Variants in NIN observed in about 807,000 individuals in gnomAD.
NIN encodes the protein ninein, also known as glycogen synthase kinase 3 beta-interacting protein.
NIN carries 137 observed loss-of-function variants against 257.6 expected under a neutral mutation model. The observed-to-expected ratio is 0.53, with a 90% CI of 0.46 to 0.61. NIN has a LOEUF of 0.61. Ranked by LOEUF, NIN falls within the 20% of genes least tolerant of loss-of-function variation. NIN has a pLI of 0.00. For missense variants in NIN, 2,439 were observed against 2,501.2 expected (o/e 0.98, Z 0.53); for synonymous variants, 918 against 919.8 (o/e 1.00, Z 0.04).
intron 26 of NIN, among the ~76,000 whole-genome samples, chr14:50,739,107 C>G (rs2041146496): frequency 6.6e-6 from 1 of 152,032 alleles, no homozygotes; most frequent in South Asian, 2.1e-4. Context: ...TAATATAAAA[C>G]TGCTTATAAA....
At chr14:50,789,211 C>A (rs2043473232) in intron 5 of NIN, among the ~76,000 whole-genome samples, 1 of 152,156 alleles carries the variant, frequency 6.6e-6, no homozygotes, top group Non-Finnish European at 1.5e-5. Context: ...TTCCCAACAT[C>A]CCCAAAGAGA....
rs184377765 is a variant in NIN at position 50,720,590 on chromosome 14, T to G, written c.*2873A>C. On this transcript the variant is annotated 3_prime_UTR_variant, in exon 31 of 31. Transcript: ENST00000530997. ...AATATGCCGAAGGCTAAATATGCAA[T>G]GCATTGAAATTTCTGGGAAGAATTC... 7.2e-4 allele frequency: 149 copies of G among 207,084 alleles called. No homozygotes were observed. Among genetic ancestry groups the G allele is most frequent in the Non-Finnish European group, 1.3e-3 (134 of 101,046 alleles). 12.8% of individuals were successfully genotyped at this position (207,084 alleles called of 1,614,324 possible).
At chr14:50,736,428 C>T (rs567233576) in intron 27 of NIN, among the ~76,000 whole-genome samples, 3 of 152,234 alleles carry the variant, frequency 2.0e-5, no homozygotes, top group South Asian at 4.1e-4. Flanking sequence ...TGAGCCACCG[C>T]GTCCAGCCTC....
At chr14:50,752,428 G>A in intron 21 of NIN, 90 bp downstream of exon 21, 3 of 961,318 alleles carry the variant, frequency 3.1e-6, no homozygotes, top group Non-Finnish European at 4.9e-6. Context: ...TAATTACTAA[G>A]GCTTTATGTT....
chr14:50,826,168 A>G (rs562123073), intron 2 of NIN, among the ~76,000 whole-genome samples: 1 of 152,360 alleles, frequency 6.6e-6, no homozygotes, highest in South Asian at 2.1e-4. Flanking sequence ...TTACTCAGAG[A>G]TTAAGAAAGT....
intron 5 of NIN, among the ~76,000 whole-genome samples, chr14:50,780,919 G>A (rs76709765): frequency 4.5e-4 from 68 of 152,240 alleles, no homozygotes; most frequent in African/African-American, 1.6e-3. Flanking sequence ...CAATCTAGTG[G>A]ATGTCTGAGG....
chr14:50,823,270 A>G (rs567286031), intron 2 of NIN: 1 of 576,094 alleles, frequency 1.7e-6, no homozygotes, highest in African/African-American at 1.9e-5. Context: ...GATGCCAAAC[A>G]CGACATACAC....
In NIN at chr14:50,770,949, AC is replaced by A; in HGVS notation, c.1161del (p.Ser388GlnfsTer12). On this transcript the variant is annotated frameshift_variant, in exon 11 of 31. Transcript: ENST00000530997. LOFTEE classifies it high-confidence loss of function. ...AGCTTCTCGGCCTTGTCCAGATCTG[AC>A]CGTAGCTTCTCTTTTTCTCTGACCA... is the stretch of plus-strand genomic sequence containing the variant. ...DQVVREKEKLRSDLDKAEKLK... is the reference protein window; with the variant it reads ...DQVVREKEKLXSDLDKAEKLK... The A allele has an allele frequency of 1.2e-6, 2 of 1,614,144 alleles. No individual in the cohort carries two copies. Among genetic ancestry groups the A allele is most frequent in the Non-Finnish European group, 1.7e-6 (2 of 1,180,006 alleles).
chr14:50,828,800 G>T (rs537130567), intron 2 of NIN, among the ~76,000 whole-genome samples: 16 of 152,262 alleles, frequency 1.1e-4, no homozygotes, highest in Admixed American at 2.0e-4. Context: ...CATTAAGATT[G>T]GCTGTTCAGA....
chr14:50,786,548 G>C (rs2043356252), intron 5 of NIN, among the ~76,000 whole-genome samples: 1 of 151,794 alleles, frequency 6.6e-6, no homozygotes, highest in Non-Finnish European at 1.5e-5. Flanking sequence ...ATCTACAATT[G>C]CATCTTTAAT....
intron 4 of NIN, among the ~76,000 whole-genome samples, chr14:50,803,903 C>CTTTT (rs201026801): frequency 7.0e-6 from 1 of 142,744 alleles, no homozygotes; most frequent in African/African-American, 2.6e-5. Flanking sequence ...CTTTTTTCTT[C>CTTTT]TTTTTTTTTT....
chr14:50,754,870 G>A lies in NIN; in HGVS notation c.4539-3C>T. The A allele has an allele frequency of 1.9e-6, 3 of 1,544,816 alleles. No individual in the cohort carries two copies. The highest frequency in any genetic ancestry group is 2.6e-6 in the Non-Finnish European group (3 of 1,149,910). On this transcript the variant is annotated splice_polypyrimidine_tract_variant and splice_region_variant and intron_variant, in intron 18 of 30. Coordinates refer to ENST00000530997, the MANE Select transcript of NIN (RefSeq NM_020921.4). ...GTTGAAGCTTTTCAGATTCATATCTGAAGCACAGAGATTGAAAAAAATTGT... is the reference window on the plus strand; with the variant it reads ...GTTGAAGCTTTTCAGATTCATATCTAAAGCACAGAGATTGAAAAAAATTGT...
Position 50,754,774 on chromosome 14 carries a change from T to G in NIN, c.4632A>C (p.Leu1544Phe). Reference sequence around the variant, plus strand: ...CTTCCTGAGATCCATTTAATGTCCCTAATTTCAGGTTAGAAATGCTATCTT... The same window carrying G: ...CTTCCTGAGATCCATTTAATGTCCCGAATTTCAGGTTAGAAATGCTATCTT... ...NEEDSISNLK[L>F]GTLNGSQEEM... Residue 1544 changes from leucine (L) to phenylalanine (F), a missense_variant, in exon 19 of 31, where the codon TTA becomes TTC. Around this residue, in one of 3 missense-constraint regions of NIN, gnomAD observed 2,043 missense variants for 2,050.2 expected, o/e 1.00. Coordinates refer to ENST00000530997, the MANE Select transcript of NIN (RefSeq NM_020921.4). 1 of 1,582,546 alleles carries G rather than the reference T, an allele frequency of 6.3e-7. No individual in the cohort carries two copies. The highest frequency in any genetic ancestry group is 1.2e-5 in the South Asian group (1 of 86,712).
intron 4 of NIN, among the ~76,000 whole-genome samples, chr14:50,799,332 G>A (rs573962903): frequency 2.0e-5 from 3 of 152,178 alleles, no homozygotes; most frequent in South Asian, 2.1e-4. Flanking sequence ...GCCACACTCT[G>A]GTCCTTCCAC....
At position 50,758,126 on chromosome 14, in the gene NIN, C is replaced by A. The variant is rs878954048; in HGVS notation, c.2904G>T (p.Arg968=). ...AGASEQLASQ[R]LERLEMEHDQ... Reference sequence around the variant, plus strand: ...CATGTTCCATTTCTAGTCTTTCCAGCCGCTGGCTGGCCAGCTGCTCCGAAG... The same window carrying A: ...CATGTTCCATTTCTAGTCTTTCCAGACGCTGGCTGGCCAGCTGCTCCGAAG... The change falls in exon 18 of 31, where the codon CGG becomes CGT. Residue 968 remains arginine, a synonymous_variant. Transcript: ENST00000530997. 5.0e-6 allele frequency: 8 copies of A among 1,614,222 alleles called. No individual in the cohort carries two copies. The South Asian group carries it at 7.7e-5, about 16-fold the overall frequency.
chr14:50,747,456 G>C (rs570959879), intron 22 of NIN, among the ~76,000 whole-genome samples: 2 of 152,178 alleles, frequency 1.3e-5, no homozygotes, highest in African/African-American at 4.8e-5. Flanking sequence ...AGAGTGGGCC[G>C]GATGCAGTGG....
Position 50,725,856 on chromosome 14 carries a change from A to C in NIN, c.6192+97T>G, listed in dbSNP as rs777710564. 8 of 1,602,136 alleles carry C rather than the reference A, an allele frequency of 5.0e-6. No homozygotes were observed. In the African/African-American group the frequency reaches 1.1e-4, roughly 21 times the overall value. The stretch of plus-strand genomic sequence containing the variant: ...ATAATAGAATTTGCCTTTATTAGAC[A>C]ACATAAGTTAACGAGTTAATGGCAA... On this transcript the variant is annotated intron_variant, in intron 30 of 30. Transcript: ENST00000530997.
At position 50,754,561 on chromosome 14, in the gene NIN, A is replaced by G; in HGVS notation, c.4734+2T>C. The G allele has an allele frequency of 6.3e-7, 1 of 1,597,558 alleles. No individual in the cohort carries two copies. Among genetic ancestry groups the G allele is most frequent in the Non-Finnish European group, 8.5e-7 (1 of 1,173,134 alleles). The stretch of plus-strand genomic sequence containing the variant: ...ATTGAGAAATATTAAGTATTTCCTT[A>G]CCTGTTTCTTTAAATTTTCAACCAT... On this transcript the variant is annotated splice_donor_variant, in intron 20 of 30. Transcript: ENST00000530997. LOFTEE classifies it high-confidence loss of function.
chr14:50,821,021 C>A (rs889343479), intron 3 of NIN, among the ~76,000 whole-genome samples: 1 of 152,154 alleles, frequency 6.6e-6, no homozygotes, highest in African/African-American at 2.4e-5. Context: ...GTGATAAAAA[C>A]CAGAATGAAG....
Sources: gnomAD v4.1 joint callset for allele counts (sites outside exome capture counted in the v4.1 genomes callset) on GRCh38, gnomAD v4.1.1 for gene constraint, gnomAD v4.1.1 regional missense constraint, MANE v1.5 for transcripts, NCBI Gene and HGNC (gene_info 2026-07-23, HGNC 2026-07-21) for gene names.